SPOCK3: variants seen among roughly 807,000 people sequenced by gnomAD.
SPOCK3 encodes the protein testican-3.
SPOCK3 carries 30 observed loss-of-function variants against 56.6 expected under a neutral mutation model. The ratio of observed to expected loss-of-function variants is 0.53; its 90% CI spans 0.40 to 0.72. The LOEUF is 0.72. Among genes scored for constraint, SPOCK3 ranks in the 30% least tolerant of loss-of-function variants. SPOCK3 has a pLI of 0.00. For missense variants in SPOCK3, 527 were observed against 530.0 expected (o/e 0.99, Z 0.06); for synonymous variants, 196 against 183.3 (o/e 1.07, Z -0.56).
chr4:166,892,337 A>G (rs908827861), intron 5 of SPOCK3, among the ~76,000 whole-genome samples: 1 of 151,812 alleles, frequency 6.6e-6, no homozygotes, highest in African/African-American at 2.4e-5. Context: ...CTTTTTTTCT[A>G]TGCATTTCTA....
At chr4:166,912,317 A>G (rs887955908) in intron 5 of SPOCK3, among the ~76,000 whole-genome samples, 1 of 152,312 alleles carries the variant, frequency 6.6e-6, no homozygotes, top group Admixed American at 6.5e-5. Flanking sequence ...TGTTAAAATA[A>G]TATTGATCAC....
At chr4:167,125,568 G>T (rs993187040) in intron 2 of SPOCK3, among the ~76,000 whole-genome samples, 3 of 149,860 alleles carry the variant, frequency 2.0e-5, no homozygotes, top group East Asian at 3.9e-4. Context: ...AAAAAAATTC[G>T]CCGGGCGTGT....
intron 5 of SPOCK3, among the ~76,000 whole-genome samples, chr4:166,900,142 G>A (rs910661384): frequency 6.6e-6 from 1 of 152,140 alleles, no homozygotes; most frequent in Non-Finnish European, 1.5e-5. Flanking sequence ...CACTGTTCCA[G>A]TTTTACCAGC....
chr4:167,175,104 G>A (rs552488231), intron 2 of SPOCK3, among the ~76,000 whole-genome samples: 1 of 152,186 alleles, frequency 6.6e-6, no homozygotes, highest in Middle Eastern at 3.4e-3. Context: ...GCATACTTAT[G>A]GGGACCTCAT....
chr4:167,010,352 T>C (rs759397520), intron 3 of SPOCK3, among the ~76,000 whole-genome samples: 22 of 151,952 alleles, frequency 1.4e-4, no homozygotes, highest in Admixed American at 2.6e-4. Context: ...AAAACCCATC[T>C]CTACAAAAAG....
At chr4:166,792,091 G>A (rs1741418948) in intron 7 of SPOCK3, 79 bp downstream of exon 7, 1 of 1,497,004 alleles carries the variant, frequency 6.7e-7, no homozygotes, top group Non-Finnish European at 9.3e-7. Context: ...ACTGAAATAT[G>A]TGTTTTGTTC....
intron 2 of SPOCK3, among the ~76,000 whole-genome samples, chr4:167,159,881 A>G (rs1424596194): frequency 6.6e-6 from 1 of 151,892 alleles, no homozygotes; most frequent in Non-Finnish European, 1.5e-5. Flanking sequence ...GGTATTGATG[A>G]GATGTATCTC....
At chr4:167,222,878 TTGATATATGAATATATAAATATATAAAC>T (rs1736132348) in intron 2 of SPOCK3, among the ~76,000 whole-genome samples, 2 of 127,956 alleles carry the variant, frequency 1.6e-5, no homozygotes, top group South Asian at 4.6e-4. Context: ...TAGATATATA[TTGATATATGAATATATAAATATATAAAC>T]ATAGATATGT....
chr4:167,161,789 G>C (rs1438552152), intron 2 of SPOCK3, among the ~76,000 whole-genome samples: 2 of 146,340 alleles, frequency 1.4e-5, no homozygotes, highest in African/African-American at 2.5e-5. Context: ...CTACCACAAG[G>C]ACAAAAAACC....
chr4:167,107,353 C>T (rs1414080544), intron 2 of SPOCK3, among the ~76,000 whole-genome samples: 1 of 151,820 alleles, frequency 6.6e-6, no homozygotes, highest in East Asian at 1.9e-4. Context: ...TCAACATACA[C>T]AAATCAATCA....
At chr4:167,051,259 G>C (rs1372963409) in intron 3 of SPOCK3, among the ~76,000 whole-genome samples, 1 of 152,138 alleles carries the variant, frequency 6.6e-6, no homozygotes, top group African/African-American at 2.4e-5. Context: ...AAATGAGTGT[G>C]AAGTAATTCT....
intron 2 of SPOCK3, among the ~76,000 whole-genome samples, chr4:167,161,241 A>G (rs1448499245): frequency 6.6e-6 from 1 of 152,208 alleles, no homozygotes; most frequent in East Asian, 1.9e-4. Context: ...ATATGAACAG[A>G]CACTTCTCAA....
chr4:167,205,322 ATAT>A (rs1470124671), intron 2 of SPOCK3, among the ~76,000 whole-genome samples: 1 of 50,606 alleles, frequency 2.0e-5, no homozygotes, highest in Admixed American at 3.8e-4. Context: ...TATTTTATAT[ATAT>A]AATATATATT....
At chr4:166,903,736 T>C (rs1184897670) in intron 5 of SPOCK3, among the ~76,000 whole-genome samples, 7 of 152,074 alleles carry the variant, frequency 4.6e-5, no homozygotes, top group African/African-American at 1.7e-4. Context: ...TTGCTTCAGA[T>C]ACAAAAACAT....
intron 6 of SPOCK3, among the ~76,000 whole-genome samples, chr4:166,886,857 A>G (rs1734249447): frequency 6.6e-6 from 1 of 152,150 alleles, no homozygotes; most frequent in Admixed American, 6.6e-5. Context: ...TCAGTTTTAT[A>G]TTTCCCCTGT....
intron 4 of SPOCK3, among the ~76,000 whole-genome samples, chr4:166,931,276 C>T (rs947031847): frequency 8.6e-5 from 13 of 151,272 alleles, no homozygotes; most frequent in African/African-American, 2.9e-4. Flanking sequence ...GCCACCGCTC[C>T]CGGCCCAGAG....
At chr4:167,212,031 TC>T (rs1457437916) in intron 2 of SPOCK3, among the ~76,000 whole-genome samples, 1 of 152,158 alleles carries the variant, frequency 6.6e-6, no homozygotes, top group South Asian at 2.1e-4. Context: ...ACCACTATTA[TC>T]TGTTTGTCTG....
intron 6 of SPOCK3, among the ~76,000 whole-genome samples, chr4:166,804,808 A>G (rs1348546953): frequency 6.6e-6 from 1 of 152,108 alleles, no homozygotes; most frequent in Non-Finnish European, 1.5e-5. Flanking sequence ...CCACCCTGAG[A>G]AAAATACACT....
At chr4:167,025,777 C>G (rs962810111) in intron 3 of SPOCK3, among the ~76,000 whole-genome samples, 2 of 152,016 alleles carry the variant, frequency 1.3e-5, no homozygotes, top group African/African-American at 4.8e-5. Flanking sequence ...TATAGTCATG[C>G]CTGGCTTAAC....
Sources: gnomAD v4.1 joint callset for allele counts (sites outside exome capture counted in the v4.1 genomes callset) on GRCh38, gnomAD v4.1.1 for gene constraint, MANE v1.5 for transcripts, NCBI Gene and HGNC (gene_info 2026-07-23, HGNC 2026-07-21) for gene names.